GHR: variants seen among roughly 807,000 people sequenced by gnomAD.
The protein encoded by GHR is GH receptor.
Under a neutral mutation model 67.1 loss-of-function variants are expected in GHR, and 35 were observed. That is an observed-to-expected ratio of 0.52 (90% CI 0.40 to 0.69). The LOEUF is 0.69. Ranked by LOEUF, GHR falls within the 30% of genes least tolerant of loss-of-function variation. GHR has a pLI of 0.00. For synonymous variants in GHR, 272 were observed against 269.1 expected (o/e 1.01, Z -0.10); for missense variants, 792 against 764.6 (o/e 1.04, Z -0.42).
At chr5:42,504,753 G>A (rs542538081) in intron 1 of GHR, among the ~76,000 whole-genome samples, 23 of 152,104 alleles carry the variant, frequency 1.5e-4, no homozygotes, top group East Asian at 7.7e-4. Context: ...GCGAGATTCC[G>A]TCTCAAAATA....
At chr5:42,575,291 G>A (rs1055426599) in intron 2 of GHR, among the ~76,000 whole-genome samples, 2 of 152,096 alleles carry the variant, frequency 1.3e-5, no homozygotes, top group African/African-American at 4.8e-5. Flanking sequence ...TCAGAGCAGT[G>A]GTGTTGAACT....
intron 2 of GHR, among the ~76,000 whole-genome samples, chr5:42,575,481 G>A (rs1374595464): frequency 6.6e-6 from 1 of 152,074 alleles, no homozygotes; most frequent in African/African-American, 2.4e-5. Context: ...AACCAGACAA[G>A]GATACAATAT....
intron 1 of GHR, among the ~76,000 whole-genome samples, chr5:42,508,146 C>T (rs1746856272): frequency 1.3e-5 from 2 of 152,212 alleles, no homozygotes; most frequent in African/African-American, 4.8e-5. Context: ...CTCTTGTAAG[C>T]ATCTGACAGC....
At chr5:42,434,354 G>A (rs1509459) in intron 1 of GHR, among the ~76,000 whole-genome samples, 2,941 of 152,278 alleles carry the variant, frequency 0.019, 93 homozygotes, top group African/African-American at 0.067. Flanking sequence ...GGAAAGAGTT[G>A]TAGGCTTTTG....
At chr5:42,713,210 T>C (rs1010216409) in intron 7 of GHR, among the ~76,000 whole-genome samples, 4 of 151,152 alleles carry the variant, frequency 2.6e-5, no homozygotes, top group Admixed American at 6.6e-5. Flanking sequence ...TATTTTGAAG[T>C]TTTTTTTTAA....
Position 42,665,822 on chromosome 5 carries a change from A to G in GHR, c.137-23068A>G, listed in dbSNP as rs185552786. On this transcript the variant is annotated intron_variant, in intron 3 of 9. Transcript: ENST00000230882. ...ACATGGCTGGTGAGGCCTCACAGTC[A>G]TGGTAGAGGGTGAATGAGGAGCAAA... 2.4e-3 allele frequency among the ~76,000 whole-genome samples: 361 copies of G among 152,288 alleles called. 2 individuals are homozygous for G. Among genetic ancestry groups the G allele is most frequent in the African/African-American group, 8.0e-3 (331 of 41,554 alleles).
chr5:42,506,278 T>C (rs1161350929), intron 1 of GHR, among the ~76,000 whole-genome samples: 1 of 152,216 alleles, frequency 6.6e-6, no homozygotes, highest in African/African-American at 2.4e-5. Context: ...AAGCCCTTTC[T>C]AAGTGAGATG....
chr5:42,474,492 T>G (rs1198978484), intron 1 of GHR, among the ~76,000 whole-genome samples: 3 of 152,140 alleles, frequency 2.0e-5, no homozygotes, highest in Non-Finnish European at 4.4e-5. Flanking sequence ...AGACACCCTC[T>G]GAGAGGCTTG....
intron 1 of GHR, among the ~76,000 whole-genome samples, chr5:42,444,820 G>A (rs192221512): frequency 6.6e-6 from 1 of 152,198 alleles, no homozygotes; most frequent in East Asian, 1.9e-4. Context: ...AAATGCCACA[G>A]TATCTGCTAT....
chr5:42,441,909 G>A (rs1743596374), intron 1 of GHR, among the ~76,000 whole-genome samples: 1 of 152,160 alleles, frequency 6.6e-6, no homozygotes, highest in Non-Finnish European at 1.5e-5. Flanking sequence ...TAGACAGAGG[G>A]TGGATAAATA....
chr5:42,514,173 A>G, intron 1 of GHR: 1 of 985,120 alleles, frequency 1.0e-6, no homozygotes, highest in Non-Finnish European at 1.2e-6. Context: ...TCTTACAAGT[A>G]ATTTTTGGAT....
chr5:42,600,038 T>C (rs976034951), intron 2 of GHR, among the ~76,000 whole-genome samples: 2 of 152,164 alleles, frequency 1.3e-5, no homozygotes, highest in Non-Finnish European at 2.9e-5. Flanking sequence ...CTGGAGCATA[T>C]CTCTGTTAGG....
intron 3 of GHR, among the ~76,000 whole-genome samples, chr5:42,650,446 T>G (rs1295764865): frequency 1.3e-5 from 2 of 152,050 alleles, no homozygotes; most frequent in Admixed American, 6.6e-5. Context: ...AAGGCCCATT[T>G]TCTTATGTAG....
At chr5:42,451,971 A>T (rs952205586) in intron 1 of GHR, among the ~76,000 whole-genome samples, 4 of 152,082 alleles carry the variant, frequency 2.6e-5, no homozygotes, top group African/African-American at 7.2e-5. Context: ...AATACTTTTT[A>T]AAATTATGTT....
intron 1 of GHR, among the ~76,000 whole-genome samples, chr5:42,540,183 T>TTC (rs57962722): frequency 0.33 from 47,204 of 144,144 alleles, 7,850 homozygotes; most frequent in East Asian, 0.61. Context: ...TGTTACTGTA[T>TTC]TCTCTCTCTC....
chr5:42,607,303 G>C (rs867771782), intron 2 of GHR, among the ~76,000 whole-genome samples: 1 of 152,162 alleles, frequency 6.6e-6, no homozygotes, highest in Non-Finnish European at 1.5e-5. Flanking sequence ...CCTCAGGGAG[G>C]AGCTGTAAAA....
chr5:42,608,754 A>G (rs1393946592), intron 2 of GHR, among the ~76,000 whole-genome samples: 1 of 152,176 alleles, frequency 6.6e-6, no homozygotes, highest in Admixed American at 6.5e-5. Flanking sequence ...TGATGAAATG[A>G]GACATGCTAC....
At chr5:42,508,577 T>C (rs919549463) in intron 1 of GHR, among the ~76,000 whole-genome samples, 16 of 152,090 alleles carry the variant, frequency 1.1e-4, no homozygotes, top group Non-Finnish European at 2.2e-4. Flanking sequence ...AGTTTGTTTG[T>C]TTGTTTGTTT....
chr5:42,497,424 G>A (rs1746366217), intron 1 of GHR, among the ~76,000 whole-genome samples: 1 of 152,064 alleles, frequency 6.6e-6, no homozygotes, highest in Non-Finnish European at 1.5e-5. Flanking sequence ...CTGTTTCATG[G>A]CAATGATTAT....
Sources: gnomAD v4.1 joint callset for allele counts (sites outside exome capture counted in the v4.1 genomes callset) on GRCh38, gnomAD v4.1.1 for gene constraint, MANE v1.5 for transcripts, NCBI Gene and HGNC (gene_info 2026-07-23, HGNC 2026-07-21) for gene names.